SH3KBP1: variants seen among roughly 807,000 people sequenced by gnomAD.
The protein encoded by SH3KBP1 is SH3 domain-containing kinase-binding protein 1.
A neutral mutation model predicts 50.1 loss-of-function variants in SH3KBP1; 8 were observed. That is an observed-to-expected ratio of 0.16 (90% confidence interval 0.09 to 0.29). The LOEUF is 0.29. Ranked by LOEUF, SH3KBP1 falls within the 10% of genes least tolerant of loss-of-function variation. SH3KBP1 has a pLI of 1.00. For missense variants in SH3KBP1, 377 were observed against 535.2 expected, an observed-to-expected ratio of 0.70 and a Z score of 2.92; for synonymous variants, 227 against 218.6, an observed-to-expected ratio of 1.04 and a Z score of -0.34.
At chrX:19,772,750 G>A (rs191996884) in intron 2 of SH3KBP1, among the ~76,000 whole-genome samples, 1 of 111,512 alleles carries the variant, frequency 9.0e-6, no homozygotes, top group East Asian at 2.8e-4. Flanking sequence ...CAGGGAAAAG[G>A]GTCGGGAGGA....
intron 1 of SH3KBP1, among the ~76,000 whole-genome samples, chrX:19,842,317 G>A (rs1025688958): frequency 1.8e-5 from 2 of 112,047 alleles, no homozygotes; most frequent in African/African-American, 6.5e-5. Flanking sequence ...CACAAGGTCA[G>A]GAGTTCAAGA....
chrX:19,625,137 C>G (rs932907031), intron 8 of SH3KBP1, among the ~76,000 whole-genome samples: 35 of 112,213 alleles, frequency 3.1e-4, no homozygotes, highest in African/African-American at 1.1e-3. Context: ...GGCTGCTTCT[C>G]TTTGTGAAGG....
intron 5 of SH3KBP1, among the ~76,000 whole-genome samples, chrX:19,690,259 T>C (rs867928603): frequency 9.1e-6 from 1 of 110,486 alleles, no homozygotes; most frequent in Non-Finnish European, 1.9e-5. Context: ...GGTTTCACCA[T>C]GTTGCCTAGG....
chrX:19,640,993 T>C (rs1360621686), intron 7 of SH3KBP1, among the ~76,000 whole-genome samples: 1 of 112,457 alleles, frequency 8.9e-6, no homozygotes, highest in Non-Finnish European at 1.9e-5. Flanking sequence ...TTCTGTAATT[T>C]GGCTGTTGAG....
rs1012253130 is a variant in SH3KBP1 at position 19,535,111 on chromosome X, C to G, written c.*1306G>C. 3.4e-6 allele frequency: 1 copy of G among 296,508 alleles called. No individual in the cohort carries two copies. Among genetic ancestry groups the G allele is most frequent in the Non-Finnish European group, 5.9e-6 (1 of 169,833 alleles). The allele number at this position is 296,508 out of a possible 1,213,427, so 24.4% of individuals were successfully genotyped here. On this transcript the variant is annotated 3_prime_UTR_variant, in exon 18 of 18. Transcript: ENST00000397821. Reference sequence around the variant, plus strand: ...CTGAACAGTCTCGCAATACAGTAGGCCCCTCATTTTCAGCTAAGGATGAGA... The same window carrying G: ...CTGAACAGTCTCGCAATACAGTAGGGCCCTCATTTTCAGCTAAGGATGAGA...
chrX:19,847,599 T>C (rs1460498507), intron 1 of SH3KBP1, among the ~76,000 whole-genome samples: 1 of 112,235 alleles, frequency 8.9e-6, no homozygotes, highest in African/African-American at 3.2e-5. Context: ...AATCTGGAGA[T>C]ACCATCTAGC....
intron 13 of SH3KBP1, among the ~76,000 whole-genome samples, chrX:19,564,529 T>C (rs968050100): frequency 4.5e-5 from 5 of 110,564 alleles, no homozygotes; most frequent in African/African-American, 1.6e-4. Context: ...AGCCTTAAGA[T>C]GGCCCCTCTC....
At position 19,608,730 on chromosome X, in the gene SH3KBP1, C is replaced by A. The variant is rs1270373272; in HGVS notation, c.898-685G>T. 2.7e-5 allele frequency among the ~76,000 whole-genome samples: 3 copies of A among 112,355 alleles called. No homozygotes were observed. In the East Asian group the frequency reaches 8.3e-4, roughly 31 times the overall value. Reference sequence around the variant, plus strand: ...ATATCACATGCACAAATGTGATTAGCCTGTCACAAAGCTTGTCAATATTGA... The same window carrying A: ...ATATCACATGCACAAATGTGATTAGACTGTCACAAAGCTTGTCAATATTGA... On this transcript the variant is annotated intron_variant, in intron 8 of 17. Coordinates refer to ENST00000397821, the MANE Select transcript of SH3KBP1 (RefSeq NM_031892.3).
chrX:19,744,363 C>G (rs1006549903), intron 3 of SH3KBP1, among the ~76,000 whole-genome samples: 7 of 111,925 alleles, frequency 6.3e-5, no homozygotes, highest in South Asian at 3.7e-4. Flanking sequence ...CAAGGCCAAT[C>G]AATCTACCCC....
chrX:19,640,710 A>G (rs2061835444), intron 7 of SH3KBP1, among the ~76,000 whole-genome samples: 1 of 110,554 alleles, frequency 9.0e-6, no homozygotes, highest in Non-Finnish European at 1.9e-5. Context: ...AACTTTCCAC[A>G]CCTAAGTAAC....
chrX:19,535,335 T>C lies in SH3KBP1; in HGVS notation c.*1082A>G, dbSNP rs1344593983. On this transcript the variant is annotated 3_prime_UTR_variant, in exon 18 of 18. Coordinates refer to ENST00000397821, the MANE Select transcript of SH3KBP1 (RefSeq NM_031892.3). ...CAAGTGAGCAAGGCAAATGACATTA[T>C]GTGAATACAGTTTAAACGATAACAC... 5.3e-6 allele frequency: 1 copy of C among 189,759 alleles called. No individual in the cohort carries two copies. The highest frequency in any genetic ancestry group is 2.9e-5 in the African/African-American group (1 of 34,565). 15.6% of individuals were successfully genotyped at this position (189,759 alleles called of 1,213,427 possible). A position where few individuals can be genotyped will look rare whatever the true frequency, so the allele number is the denominator to read the frequency against.
chrX:19,874,119 TCA>T (rs2069166282), intron 1 of SH3KBP1, among the ~76,000 whole-genome samples: 1 of 91,418 alleles, frequency 1.1e-5, no homozygotes, highest in Non-Finnish European at 2.1e-5. Context: ...AAAATAAAAA[TCA>T]CAGTTATTCT....
At chrX:19,681,403 A>G (rs1444156592) in intron 6 of SH3KBP1, among the ~76,000 whole-genome samples, 2 of 112,953 alleles carry the variant, frequency 1.8e-5, no homozygotes, top group African/African-American at 6.4e-5. Flanking sequence ...TCTAAAGTGC[A>G]GCATTTATAT....
At chrX:19,847,521 C>A (rs768809959) in intron 1 of SH3KBP1, among the ~76,000 whole-genome samples, 1 of 112,054 alleles carries the variant, frequency 8.9e-6, no homozygotes, top group East Asian at 2.8e-4. Flanking sequence ...AGCAAAATAA[C>A]AGCTCTTCAA....
chrX:19,665,876 A>G (rs67014479), intron 6 of SH3KBP1, among the ~76,000 whole-genome samples: 4,008 of 111,915 alleles, frequency 0.036, 167 homozygotes, highest in African/African-American at 0.11. Context: ...TCATTTTACA[A>G]CTAGTGAGAA....
intron 2 of SH3KBP1, among the ~76,000 whole-genome samples, chrX:19,834,061 T>C (rs1354741770): frequency 9.0e-6 from 1 of 111,105 alleles, no homozygotes. Context: ...CCTACAAAAC[T>C]CTCCCCAGCC....
chrX:19,822,214 CA>C (rs774388569), intron 2 of SH3KBP1, among the ~76,000 whole-genome samples: 1 of 112,016 alleles, frequency 8.9e-6, no homozygotes, highest in African/African-American at 3.2e-5. Context: ...TGCTTTTTGC[CA>C]AATGTGGTGA....
intron 1 of SH3KBP1, among the ~76,000 whole-genome samples, chrX:19,875,517 G>C (rs1173927608): frequency 8.9e-6 from 1 of 112,303 alleles, no homozygotes; most frequent in Non-Finnish European, 1.9e-5. Flanking sequence ...CACTGAGAGT[G>C]CCTGGCCCGA....
chrX:19,773,468 GTC>G (rs549190221), intron 2 of SH3KBP1, among the ~76,000 whole-genome samples: 27 of 97,636 alleles, frequency 2.8e-4, no homozygotes, highest in African/African-American at 7.5e-4. Context: ...TTCAGTCTCT[GTC>G]TCTCTCTCTC....
Sources: gnomAD v4.1 joint callset for allele counts (sites outside exome capture counted in the v4.1 genomes callset) on GRCh38, gnomAD v4.1.1 for gene constraint, MANE v1.5 for transcripts, NCBI Gene and HGNC (gene_info 2026-07-23, HGNC 2026-07-21) for gene names.